The following CDH4 variants were observed in gnomAD, a reference collection of about 807,000 sequenced individuals.
The protein encoded by CDH4 is cadherin-4.
A neutral mutation model predicts 86.0 loss-of-function variants in CDH4; 33 were observed. The observed-to-expected ratio is 0.38, with a 90% CI of 0.29 to 0.51. The LOEUF (loss-of-function observed/expected upper bound fraction) is 0.51. CDH4 is among the 20% of genes least tolerant of loss of function. The probability of loss-of-function intolerance (pLI) is 0.86; values close to 1 mark genes in which losing one functional copy is unlikely to be tolerated. For synonymous variants in CDH4, 555 were observed against 549.4 expected, an observed-to-expected ratio of 1.01 and a Z score of -0.14; for missense variants, 1,114 against 1,307.4, an observed-to-expected ratio of 0.85 and a Z score of 2.28.
intron 2 of CDH4, among the ~76,000 whole-genome samples, chr20:61,439,280 A>ACTGCGGTGTGCG (rs1568845404): frequency 2.0e-5 from 3 of 151,804 alleles, no homozygotes; most frequent in African/African-American, 7.3e-5. Context: ...TGCAGTGTGC[A>ACTGCGGTGTGCG]TTTCGGTTGT....
At position 61,386,425 on chromosome 20, in the gene CDH4, T is replaced by C. The variant is rs190079849; in HGVS notation, c.169+131488T>C. Among the ~76,000 whole-genome samples the C allele has an allele frequency of 6.6e-5, 10 of 152,326 alleles. No homozygotes were observed. In the East Asian group the frequency reaches 7.7e-4, roughly 12 times the overall value. Reference sequence around the variant, plus strand: ...CTCTCTCTCTAGGTCAACTTCTTACTCACCAGTGGTTCCACTCTGCCTTCC... The same window carrying C: ...CTCTCTCTCTAGGTCAACTTCTTACCCACCAGTGGTTCCACTCTGCCTTCC... On this transcript the variant is annotated intron_variant, in intron 2 of 15. Transcript: ENST00000614565.
At chr20:61,825,957 T>G (rs1981291830) in intron 4 of CDH4, among the ~76,000 whole-genome samples, 1 of 152,166 alleles carries the variant, frequency 6.6e-6, no homozygotes, top group East Asian at 1.9e-4. Context: ...CAACTGTACC[T>G]TCCGAACAGA....
At chr20:61,301,462 C>T (rs927580340) in intron 2 of CDH4, among the ~76,000 whole-genome samples, 1 of 152,150 alleles carries the variant, frequency 6.6e-6, no homozygotes, top group South Asian at 2.1e-4. Flanking sequence ...TGGGGCAGAC[C>T]CTTCTGTTGA....
chr20:61,463,854 G>C (rs2085458295), intron 2 of CDH4, among the ~76,000 whole-genome samples: 1 of 152,184 alleles, frequency 6.6e-6, no homozygotes, highest in South Asian at 2.1e-4. Context: ...GGTGGTTTGT[G>C]ATTAGGCCAT....
In CDH4 at chr20:61,303,246, C is replaced by T. The variant is rs542451345; in HGVS notation, c.169+48309C>T. 2.3e-3 allele frequency among the ~76,000 whole-genome samples: 357 copies of T among 152,234 alleles called. 1 individual carries two copies. Among genetic ancestry groups the T allele is most frequent in the African/African-American group, 8.4e-3 (350 of 41,544 alleles). On this transcript the variant is annotated intron_variant, in intron 2 of 15. Transcript: ENST00000614565. ...ACCCAGGCGTTCTTGTGAGGATGGGCGAGATGGTGAATGTGTCACCAGCCT... is the reference window on the plus strand; with the variant it reads ...ACCCAGGCGTTCTTGTGAGGATGGGTGAGATGGTGAATGTGTCACCAGCCT...
At chr20:61,485,286 ACCC>A (rs2085589786) in intron 2 of CDH4, among the ~76,000 whole-genome samples, 2 of 151,876 alleles carry the variant, frequency 1.3e-5, no homozygotes, top group African/African-American at 2.4e-5. Flanking sequence ...TTGTTATTCC[ACCC>A]TCCAACGCTT....
intron 2 of CDH4, among the ~76,000 whole-genome samples, chr20:61,335,296 A>G (rs2084611302): frequency 6.6e-6 from 1 of 152,224 alleles, no homozygotes; most frequent in Admixed American, 6.5e-5. Context: ...AGGTCATTAT[A>G]TTCATGTTGT....
intron 8 of CDH4, among the ~76,000 whole-genome samples, chr20:61,904,935 G>A (rs1000873447): frequency 1.3e-5 from 2 of 152,248 alleles, no homozygotes; most frequent in Admixed American, 6.5e-5. Flanking sequence ...CTGTGCTGCA[G>A]GGTTCCTGCC....
intron 2 of CDH4, among the ~76,000 whole-genome samples, chr20:61,714,585 A>G (rs1472630660): frequency 2.6e-5 from 4 of 152,226 alleles, no homozygotes; most frequent in Admixed American, 2.6e-4. Context: ...CTGGGTCTTC[A>G]GTGTCCATTA....
intron 2 of CDH4, among the ~76,000 whole-genome samples, chr20:61,300,898 T>G (rs539830156): frequency 5.6e-4 from 85 of 152,320 alleles, no homozygotes; most frequent in Admixed American, 1.5e-3. Context: ...CAGTTCAAGC[T>G]GTACAAAGCC....
intron 2 of CDH4, among the ~76,000 whole-genome samples, chr20:61,433,739 A>G (rs1321276260): frequency 4.6e-5 from 7 of 152,100 alleles, no homozygotes; most frequent in Non-Finnish European, 1.5e-5. Flanking sequence ...TCCTTTCCCT[A>G]GAGTGACCAC....
At chr20:61,587,169 C>T (rs2086483550) in intron 2 of CDH4, among the ~76,000 whole-genome samples, 1 of 152,156 alleles carries the variant, frequency 6.6e-6, no homozygotes, top group African/African-American at 2.4e-5. Flanking sequence ...GTGGGGAGGA[C>T]AAGGAGGAAG....
At position 61,252,448 on chromosome 20, in the gene CDH4, G is replaced by A; in HGVS notation, c.-66G>A. 1.4e-6 allele frequency: 1 copy of A among 728,290 alleles called. No homozygotes were observed. The highest frequency in any genetic ancestry group is 1.7e-6 in the Non-Finnish European group (1 of 591,506). 45.1% of individuals were successfully genotyped at this position (728,290 alleles called of 1,614,324 possible). ...CGGAGCGGCGGCGGTGGTCTCGGCGGCGGCGGCGGCGGCGGCGGCAGGGAG... is the reference window on the plus strand; with the variant it reads ...CGGAGCGGCGGCGGTGGTCTCGGCGACGGCGGCGGCGGCGGCGGCAGGGAG... On this transcript the variant is annotated 5_prime_UTR_variant, in exon 1 of 16. Transcript: ENST00000614565. The surrounding 1 kb of genome is among the most constrained non-coding windows in gnomAD (Gnocchi z 4.4).
At position 61,684,881 on chromosome 20, in the gene CDH4, C is replaced by A. The variant is rs1346498223; in HGVS notation, c.170-58682C>A. ...CTGTAAATATTTGCTCACTCTATTT[C>A]TAACCACGTTATTAAGATATAAAAA... is the stretch of plus-strand genomic sequence containing the variant. On this transcript the variant is annotated intron_variant, in intron 2 of 15. Coordinates refer to ENST00000614565, the MANE Select transcript of CDH4 (RefSeq NM_001794.5). This position sits in a 1 kb window ranked among gnomAD's most constrained non-coding sequence, Gnocchi z 4.5. Among the ~76,000 whole-genome samples, 2 of 152,106 alleles carry A rather than the reference C, an allele frequency of 1.3e-5. No homozygotes were observed. The highest frequency in any genetic ancestry group is 4.8e-5 in the African/African-American group (2 of 41,380).
intron 1 of CDH4, among the ~76,000 whole-genome samples, chr20:61,253,698 A>T (rs2084079480): frequency 1.3e-5 from 2 of 152,012 alleles, no homozygotes; most frequent in African/African-American, 2.4e-5. Context: ...GTAAGGAATG[A>T]CCCTGCGTCC....
At chr20:61,330,604 G>C (rs2084567352) in intron 2 of CDH4, among the ~76,000 whole-genome samples, 1 of 152,228 alleles carries the variant, frequency 6.6e-6, no homozygotes, top group Non-Finnish European at 1.5e-5. Context: ...GGGAACGCCT[G>C]CCTTCTGGGC....
intron 9 of CDH4, among the ~76,000 whole-genome samples, chr20:61,921,764 AAAAAAT>A (rs1372903958): frequency 2.0e-5 from 3 of 151,070 alleles, no homozygotes; most frequent in Admixed American, 2.0e-4. Flanking sequence ...AAAAAAAAAA[AAAAAAT>A]CAAAGCTCTA....
intron 2 of CDH4, among the ~76,000 whole-genome samples, chr20:61,729,647 G>C (rs2088155095): frequency 6.6e-6 from 1 of 152,230 alleles, no homozygotes; most frequent in Admixed American, 6.5e-5. Flanking sequence ...CAAAGACGTG[G>C]AGACGATGAG....
At chr20:61,738,677 C>T (rs1303391471) in intron 2 of CDH4, 1 of 152,364 alleles carries the variant, frequency 6.6e-6, no homozygotes, top group Non-Finnish European at 1.5e-5. Flanking sequence ...GTCAGAAGCT[C>T]CCCACACCAC....
Sources: allele counts gnomAD v4.1 joint callset (sites outside exome capture counted in the v4.1 genomes callset), GRCh38; gene constraint gnomAD v4.1.1; non-coding constraint Gnocchi (gnomAD v3.1); transcripts MANE v1.5; gene names NCBI Gene and HGNC (gene_info 2026-07-23, HGNC 2026-07-21).